Variants in CRY1 observed in about 807,000 individuals in gnomAD.
CRY1 encodes the protein cryptochrome-1.
In CRY1, 45 loss-of-function variants were observed where a neutral mutation model predicts 76.0. That is an observed-to-expected ratio of 0.59 (90% CI 0.47 to 0.76). The LOEUF (loss-of-function observed/expected upper bound fraction) is 0.76. CRY1 is among the 30% of genes least tolerant of loss of function. The pLI, the probability that CRY1 is intolerant of heterozygous loss-of-function variation, is 0.00. For missense variants in CRY1, 587 were observed against 716.4 expected (o/e 0.82, Z 2.06); for synonymous variants, 248 against 244.0 (o/e 1.02, Z -0.15).
intron 1 of CRY1, among the ~76,000 whole-genome samples, chr12:107,060,024 G>C (rs959452046): frequency 1.3e-5 from 2 of 152,168 alleles, no homozygotes; most frequent in Non-Finnish European, 2.9e-5. Context: ...GGATCAGAGT[G>C]ATCAGTTGTA....
chr12:107,079,427 A>G (rs376910663), intron 1 of CRY1, among the ~76,000 whole-genome samples: 12 of 115,376 alleles, frequency 1.0e-4, no homozygotes, highest in African/African-American at 6.2e-4. Flanking sequence ...TCCTGGTAAC[A>G]TCTTCTGAGT....
intron 1 of CRY1, among the ~76,000 whole-genome samples, chr12:107,022,832 C>T (rs898963435): frequency 5.4e-5 from 8 of 147,704 alleles, no homozygotes; most frequent in Non-Finnish European, 7.4e-5. Flanking sequence ...GTAGAAAATG[C>T]CAGATTAACT....
chr12:107,006,263 G>A (rs1952373506), intron 2 of CRY1, among the ~76,000 whole-genome samples: 1 of 152,102 alleles, frequency 6.6e-6, no homozygotes, highest in African/African-American at 2.4e-5. Flanking sequence ...GCACATGCTT[G>A]TAATTCCAGC....
chr12:107,003,833 G>A (rs1952339921), intron 3 of CRY1, among the ~76,000 whole-genome samples: 1 of 145,156 alleles, frequency 6.9e-6, no homozygotes. Context: ...TTGAGACAGA[G>A]TCTTGCTCTA....
intron 1 of CRY1, among the ~76,000 whole-genome samples, chr12:107,049,374 T>G (rs1952889403): frequency 6.6e-6 from 1 of 152,176 alleles, no homozygotes; most frequent in Non-Finnish European, 1.5e-5. Context: ...ATTCTTACTA[T>G]CTTTTTTTTG....
intron 1 of CRY1, among the ~76,000 whole-genome samples, chr12:107,085,332 T>C (rs758627006): frequency 2.0e-5 from 3 of 152,234 alleles, no homozygotes; most frequent in Non-Finnish European, 2.9e-5. Context: ...CAAAGGATTA[T>C]AAATCATTCT....
At chr12:107,066,039 A>G (rs944414096) in intron 1 of CRY1, among the ~76,000 whole-genome samples, 1 of 152,194 alleles carries the variant, frequency 6.6e-6, no homozygotes. Context: ...ATAAAGTATC[A>G]TAAGGCTCAT....
rs534560816 is a variant in CRY1, at chr12:107,077,834, TCACCTG to T, written c.158+14964_158+14969del. On this transcript the variant is annotated intron_variant, in intron 1 of 12. Coordinates refer to ENST00000008527, the MANE Select transcript of CRY1 (RefSeq NM_004075.5). ...AATCATTTCCCCCACTCCCCTCCCC[TCACCTG>T]CTACACACACCTTTGTTAACATCCT... Among the ~76,000 whole-genome samples the T allele has an allele frequency of 4.0e-3, 612 of 151,890 alleles. 1 individual carries two copies. Among genetic ancestry groups the T allele is most frequent in the African/African-American group, 0.014 (586 of 41,396 alleles).
At chr12:107,020,185 G>GAAA (rs1491268855) in intron 2 of CRY1, among the ~76,000 whole-genome samples, 1 of 63,768 alleles carries the variant, frequency 1.6e-5, no homozygotes. Flanking sequence ...TTTCATACAA[G>GAAA]CAAAAAAAAA....
chr12:107,035,177 T>C (rs952516787), intron 1 of CRY1, among the ~76,000 whole-genome samples: 36 of 152,226 alleles, frequency 2.4e-4, no homozygotes, highest in Admixed American at 2.4e-3. Flanking sequence ...TTAATAATGC[T>C]GAAAAATTAT....
chr12:107,069,290 T>C (rs1953149985), intron 1 of CRY1, among the ~76,000 whole-genome samples: 1 of 150,816 alleles, frequency 6.6e-6, no homozygotes, highest in African/African-American at 2.4e-5. Flanking sequence ...AGTGGTGCAA[T>C]CTTGGCTCAC....
intron 1 of CRY1, among the ~76,000 whole-genome samples, chr12:107,087,197 G>A (rs570696638): frequency 6.6e-6 from 1 of 152,116 alleles, no homozygotes; most frequent in Non-Finnish European, 1.5e-5. Context: ...CCAAGCCATA[G>A]AGATGCAGCT....
chr12:107,000,324 G>A (rs1188669908), intron 5 of CRY1, among the ~76,000 whole-genome samples: 1 of 151,958 alleles, frequency 6.6e-6, no homozygotes, highest in African/African-American at 2.4e-5. Flanking sequence ...ATTTCCAACA[G>A]AAAGCTGAGA....
intron 1 of CRY1, among the ~76,000 whole-genome samples, chr12:107,026,677 T>C (rs1017963378): frequency 6.6e-6 from 1 of 152,090 alleles, no homozygotes; most frequent in African/African-American, 2.4e-5. Context: ...TTGAAAGGAT[T>C]AGGAGCCTCA....
intron 1 of CRY1, among the ~76,000 whole-genome samples, chr12:107,087,457 T>A (rs574756480): frequency 1.3e-5 from 2 of 152,384 alleles, no homozygotes; most frequent in Admixed American, 6.5e-5. Flanking sequence ...TGCTCAGTTA[T>A]GGGACAAGAG....
At chr12:107,089,722 A>G (rs1953447061) in intron 1 of CRY1, among the ~76,000 whole-genome samples, 1 of 152,246 alleles carries the variant, frequency 6.6e-6, no homozygotes, top group African/African-American at 2.4e-5. Context: ...TATTGTAAAC[A>G]GCAGAAAATG....
At chr12:107,047,011 A>T (rs1952856265) in intron 1 of CRY1, among the ~76,000 whole-genome samples, 1 of 152,210 alleles carries the variant, frequency 6.6e-6, no homozygotes, top group Non-Finnish European at 1.5e-5. Context: ...CTTAAACTGC[A>T]CTCAAGACCA....
chr12:107,031,443 T>C (rs1952673068), intron 1 of CRY1, among the ~76,000 whole-genome samples: 1 of 151,182 alleles, frequency 6.6e-6, no homozygotes, highest in Non-Finnish European at 1.5e-5. Flanking sequence ...AGATGAAGAC[T>C]ACAAAGAAAC....
intron 7 of CRY1, among the ~76,000 whole-genome samples, chr12:106,999,066 T>C (rs1200409913): frequency 6.9e-6 from 1 of 144,632 alleles, no homozygotes; most frequent in African/African-American, 2.6e-5. Context: ...AAAAAAAAAG[T>C]ACCTAAGTCT....
Sources: allele counts gnomAD v4.1 joint callset (sites outside exome capture counted in the v4.1 genomes callset), GRCh38; gene constraint gnomAD v4.1.1; transcripts MANE v1.5; gene names NCBI Gene and HGNC (gene_info 2026-07-23, HGNC 2026-07-21).